SRP72: variants seen among roughly 807,000 people sequenced by gnomAD.
SRP72 encodes the protein signal recognition particle 72.
A neutral mutation model predicts 96.3 loss-of-function variants in SRP72; 49 were observed. The ratio of observed to expected loss-of-function variants is 0.51; its 90% CI spans 0.40 to 0.65. The LOEUF is 0.65. Ranked by LOEUF, SRP72 falls within the 30% of genes least tolerant of loss-of-function variation. SRP72 has a pLI of 0.00. For synonymous variants in SRP72, 267 were observed against 275.2 expected, an observed-to-expected ratio of 0.97 and a Z score of 0.30; for missense variants, 736 against 793.3, an observed-to-expected ratio of 0.93 and a Z score of 0.87.
At chr4:56,475,403 A>AAAATATAT (rs1553945339) in intron 5 of SRP72, among the ~76,000 whole-genome samples, 104 of 150,974 alleles carry the variant, frequency 6.9e-4, no homozygotes, top group African/African-American at 2.5e-3. Context: ...ACAAAAAAAA[A>AAAATATAT]ATATATATGT....
chr4:56,484,964 T>G, intron 10 of SRP72, 100 bp downstream of exon 10: 1 of 1,381,796 alleles, frequency 7.2e-7, no homozygotes, highest in Non-Finnish European at 9.5e-7. Context: ...ATGGGAAAAC[T>G]AATCAGAAAT....
chr4:56,472,892 AGTT>A (rs1003883198), intron 3 of SRP72, among the ~76,000 whole-genome samples: 2 of 152,164 alleles, frequency 1.3e-5, no homozygotes, highest in African/African-American at 2.4e-5. Context: ...CTAGAGTGGC[AGTT>A]GTTGTTCTTT....
rs771075321 is a variant in SRP72 at position 56,484,738 on chromosome 4, T to C, written c.960T>C (p.Ala320=). The C allele has an allele frequency of 1.2e-6, 2 of 1,614,150 alleles. No individual in the cohort carries two copies. Among genetic ancestry groups the C allele is most frequent in the South Asian group, 2.2e-5 (2 of 91,072 alleles). Residue 320 remains alanine (A), a splice_region_variant and synonymous_variant, in exon 10 of 19, where the codon GCT becomes GCC. Coordinates refer to ENST00000642900, the MANE Select transcript of SRP72 (RefSeq NM_006947.4). ...KALLAMYTNQ[A]EQCRKISASL... Reference sequence around the variant, plus strand: ...TGTGGGGGTTGGATATCTTCTAGGCTGAACAATGCCGCAAAATATCTGCCA... The same window carrying C: ...TGTGGGGGTTGGATATCTTCTAGGCCGAACAATGCCGCAAAATATCTGCCA...
rs886096354 is a variant in SRP72 at position 56,489,440 on chromosome 4, T to C, written c.1277T>C (p.Ile426Thr). The change falls in exon 13 of 19, where the codon ATT becomes ACT. Residue 426 changes from isoleucine (I) to threonine (T), a missense_variant. Ile to Thr is a moderately conservative substitution (Grantham distance 89). Around this residue, in one of 3 missense-constraint regions of SRP72, gnomAD observed 388 missense variants for 431.8 expected, o/e 0.90. Coordinates refer to ENST00000642900, the MANE Select transcript of SRP72 (RefSeq NM_006947.4). Reference protein sequence around the residue: ...YSHEEDIDSAIEVFTQAIQWY... With the variant: ...YSHEEDIDSATEVFTQAIQWY... ...CATGAAGAAGATATTGATAGTGCCA[T>C]TGAGGTCTTCACACAAGCTATCCAG... 6.2e-7 allele frequency: 1 copy of C among 1,602,690 alleles called. No homozygotes were observed. Among genetic ancestry groups the C allele is most frequent in the Non-Finnish European group, 8.5e-7 (1 of 1,172,238 alleles).
chr4:56,479,382 T>C (rs556548445), intron 8 of SRP72, among the ~76,000 whole-genome samples: 1 of 152,122 alleles, frequency 6.6e-6, no homozygotes, highest in African/African-American at 2.4e-5. Context: ...GGTTTCACCA[T>C]GTTAGCCAGG....
chr4:56,489,448 T>C lies in SRP72; in HGVS notation c.1285T>C (p.Phe429Leu). The change falls in exon 13 of 19, where the codon TTC (phenylalanine) becomes CTC (leucine). Residue 429 changes from phenylalanine (F) to leucine (L), a missense_variant. By Grantham distance (22) the Phe-to-Leu change is conservative. This residue lies in a region of SRP72 where 388 missense variants were observed against 431.8 expected (regional missense o/e 0.90). Transcript: ENST00000642900. ...AGATATTGATAGTGCCATTGAGGTC[T>C]TCACACAAGCTATCCAGTGGTATCA... ...EEDIDSAIEV[F>L]TQAIQWYQNH... 1 of 1,601,494 alleles carries C rather than the reference T, an allele frequency of 6.2e-7. No individual in the cohort carries two copies. The highest frequency in any genetic ancestry group is 1.1e-5 in the South Asian group (1 of 89,644).
chr4:56,490,060 A>G (rs1160382657), intron 13 of SRP72, among the ~76,000 whole-genome samples: 2 of 144,428 alleles, frequency 1.4e-5, no homozygotes, highest in Admixed American at 1.5e-4. Context: ...TTAAGATTTG[A>G]TTATTATAGG....
At chr4:56,479,240 C>T (rs1466411354) in intron 8 of SRP72, among the ~76,000 whole-genome samples, 4 of 152,068 alleles carry the variant, frequency 2.6e-5, no homozygotes, top group African/African-American at 7.2e-5. Context: ...AGTGCAGTGA[C>T]ACGATCTCGG....
chr4:56,486,543 G>C, intron 11 of SRP72, 146 bp downstream of exon 11: 1 of 590,788 alleles, frequency 1.7e-6, no homozygotes, highest in Non-Finnish European at 2.8e-6. Flanking sequence ...TAGATTGTAT[G>C]ATCTCCAACA....
chr4:56,477,128 GT>G (rs11351128), intron 6 of SRP72: 59,901 of 149,860 alleles, frequency 0.4, 12,757 homozygotes, highest in East Asian at 0.66. Flanking sequence ...GAGTCCTTAT[GT>G]TTTTTTTTTG....
chr4:56,492,820 A>G (rs1720952425), intron 16 of SRP72, among the ~76,000 whole-genome samples: 1 of 152,064 alleles, frequency 6.6e-6, no homozygotes, highest in Non-Finnish European at 1.5e-5. Flanking sequence ...TTGAGTAACT[A>G]CTAAGGACAC....
At chr4:56,474,543 T>TC in intron 5 of SRP72, 152 bp downstream of exon 5, 14 of 227,786 alleles carry the variant, frequency 6.1e-5, no homozygotes, top group East Asian at 3.6e-4. Flanking sequence ...TTTCTCTCTC[T>TC]TTTTTTTTTT....
intron 13 of SRP72, 111 bp downstream of exon 13, chr4:56,489,594 G>T (rs1343702203): frequency 1.9e-6 from 1 of 528,510 alleles, no homozygotes; most frequent in Non-Finnish European, 3.3e-6. Context: ...TTTAAAAGTG[G>T]AATACTATTT....
chr4:56,489,594 G>C (rs1343702203), intron 13 of SRP72, 111 bp downstream of exon 13: 2 of 528,392 alleles, frequency 3.8e-6, no homozygotes, highest in African/African-American at 3.8e-5. Context: ...TTTAAAAGTG[G>C]AATACTATTT....
At chr4:56,469,900 C>G in intron 2 of SRP72, 127 bp downstream of exon 2, 1 of 875,270 alleles carries the variant, frequency 1.1e-6, no homozygotes, top group East Asian at 2.9e-5. Context: ...TTTTTTCCCC[C>G]CTTTTGCTTG....
chr4:56,469,837 C>T (rs1719896196), intron 2 of SRP72, 64 bp downstream of exon 2: 2 of 1,403,128 alleles, frequency 1.4e-6, no homozygotes, highest in Non-Finnish European at 9.5e-7. Context: ...ATAATCTCTT[C>T]CATGTTTTTT....
At chr4:56,499,500 A>T (rs909086821) in intron 17 of SRP72, among the ~76,000 whole-genome samples, 2 of 152,214 alleles carry the variant, frequency 1.3e-5, no homozygotes, top group African/African-American at 2.4e-5. Flanking sequence ...AATATCCAGA[A>T]TCAACAAAGA....
intron 16 of SRP72, among the ~76,000 whole-genome samples, chr4:56,494,373 A>G (rs1721007709): frequency 6.8e-6 from 1 of 146,898 alleles, no homozygotes; most frequent in South Asian, 2.1e-4. Context: ...ATGTATTTTT[A>G]TGTTTTTCTC....
rs779092792 is a variant in SRP72, at chr4:56,489,458, C to G, written c.1295C>G (p.Ala432Gly). The change falls in exon 13 of 19, where the codon GCT becomes GGT. Residue 432 changes from alanine to glycine, a missense_variant. Physicochemically the swap from Ala to Gly is moderately conservative, Grantham distance 60. This residue lies in a region of SRP72 where 388 missense variants were observed against 431.8 expected (regional missense o/e 0.90). Transcript: ENST00000642900. Reference sequence around the variant, plus strand: ...AGTGCCATTGAGGTCTTCACACAAGCTATCCAGTGGTATCAAAACCATCAG... The same window carrying G: ...AGTGCCATTGAGGTCTTCACACAAGGTATCCAGTGGTATCAAAACCATCAG... ...IDSAIEVFTQAIQWYQNHQPK... is the reference protein window; with the variant it reads ...IDSAIEVFTQGIQWYQNHQPK... The G allele has an allele frequency of 1.3e-6, 2 of 1,598,370 alleles. No homozygotes were observed. Among genetic ancestry groups the G allele is most frequent in the South Asian group, 1.1e-5 (1 of 89,520 alleles).
Sources: allele counts gnomAD v4.1 joint callset (sites outside exome capture counted in the v4.1 genomes callset), GRCh38; gene constraint gnomAD v4.1.1; regional missense constraint gnomAD v4.1.1; transcripts MANE v1.5; gene names NCBI Gene and HGNC (gene_info 2026-07-23, HGNC 2026-07-21).